C1orf141: variants seen among roughly 807,000 people sequenced by gnomAD.
The protein encoded by C1orf141 is chromosome 1 open reading frame 141.
In C1orf141, 19 loss-of-function variants were observed where a neutral mutation model predicts 23.2. That is an observed-to-expected ratio of 0.82 (90% confidence interval 0.57 to 1.20). The LOEUF (loss-of-function observed/expected upper bound fraction) is 1.20, where lower values mean the gene tolerates loss of function less well. C1orf141 is among the 50% of genes most tolerant of loss of function. The pLI, the probability that C1orf141 is intolerant of heterozygous loss-of-function variation, is 0.00. For missense variants in C1orf141, 469 were observed against 455.1 expected, an observed-to-expected ratio of 1.03 and a Z score of -0.28; for synonymous variants, 153 against 154.6, an observed-to-expected ratio of 0.99 and a Z score of 0.08.
chr1:67,124,375 T>C (rs956076125), intron 4 of C1orf141, among the ~76,000 whole-genome samples: 8 of 152,160 alleles, frequency 5.3e-5, no homozygotes, highest in Admixed American at 3.9e-4. Flanking sequence ...TGCAGTGGCA[T>C]GATCTCAGCT....
chr1:67,093,677 G>T, intron 7 of C1orf141, 73 bp from the exon 8 acceptor site: 1 of 1,202,174 alleles, frequency 8.3e-7, no homozygotes, highest in Non-Finnish European at 1.1e-6. Context: ...TTTAAAACAT[G>T]TAAATAAAAT....
chr1:67,115,231 G>A, intron 5 of C1orf141, 121 bp downstream of exon 5: 2 of 551,764 alleles, frequency 3.6e-6, no homozygotes, highest in South Asian at 4.8e-5. Context: ...ATAGTTCATG[G>A]AAATGCTTTT....
At chr1:67,117,583 T>C (rs928766218) in intron 4 of C1orf141, among the ~76,000 whole-genome samples, 3 of 152,148 alleles carry the variant, frequency 2.0e-5, no homozygotes, top group African/African-American at 7.2e-5. Flanking sequence ...AAAAAATGTA[T>C]CTTATGTTCT....
chr1:67,099,650 A>C (rs1383527937), intron 5 of C1orf141, among the ~76,000 whole-genome samples: 2 of 152,146 alleles, frequency 1.3e-5, no homozygotes, highest in African/African-American at 4.8e-5. Context: ...GTGGTGGTGC[A>C]CACCTGTAAT....
chr1:67,131,879 G>A (rs980761031), intron 1 of C1orf141, among the ~76,000 whole-genome samples: 3 of 150,530 alleles, frequency 2.0e-5, no homozygotes, highest in Non-Finnish European at 4.4e-5. Context: ...CCACCTCCCG[G>A]GTTCAAGTGA....
intron 5 of C1orf141, among the ~76,000 whole-genome samples, chr1:67,106,570 AT>A (rs1645931799): frequency 6.6e-6 from 1 of 152,162 alleles, no homozygotes; most frequent in Non-Finnish European, 1.5e-5. Context: ...AGACAGGAGA[AT>A]CGCTTGAACC....
chr1:67,103,237 C>A (rs377015714), intron 5 of C1orf141: 3 of 1,400,112 alleles, frequency 2.1e-6, no homozygotes, highest in East Asian at 5.1e-5. Flanking sequence ...AATTTGTATA[C>A]CTGTAAATAA....
chr1:67,134,421 C>T (rs1646562196), intron 1 of C1orf141, among the ~76,000 whole-genome samples: 2 of 152,244 alleles, frequency 1.3e-5, no homozygotes, highest in Non-Finnish European at 2.9e-5. Flanking sequence ...GATTAGCCAG[C>T]TCGAAATCGC....
intron 5 of C1orf141, among the ~76,000 whole-genome samples, chr1:67,112,390 G>T (rs887067571): frequency 6.6e-6 from 1 of 152,038 alleles, no homozygotes; most frequent in Non-Finnish European, 1.5e-5. Context: ...GGGTAATATG[G>T]AAAATAAACA....
chr1:67,095,500 C>A, intron 6 of C1orf141, 79 bp from the exon 7 acceptor site: 1 of 773,320 alleles, frequency 1.3e-6, no homozygotes, highest in South Asian at 2.1e-5. Context: ...CCTTTTATCC[C>A]TGGAAGTCAC....
At chr1:67,126,517 G>A (rs1646416657) in intron 3 of C1orf141, among the ~76,000 whole-genome samples, 1 of 152,164 alleles carries the variant, frequency 6.6e-6, no homozygotes, top group Admixed American at 6.6e-5. Context: ...AAAGGATATG[G>A]GGGACTTCTG....
In C1orf141 at chr1:67,093,406, G is replaced by A. The variant is rs1294242648; in HGVS notation, c.802C>T (p.Pro268Ser). The A allele has an allele frequency of 1.2e-6, 2 of 1,612,426 alleles. No homozygotes were observed. The highest frequency in any genetic ancestry group is 2.7e-5 in the African/African-American group (2 of 74,902). ...IGNQSISLFK[P>S]QKTMPTVQRK... is the part of the protein sequence containing the mutation. Reference sequence around the variant, plus strand: ...TGTACTGTAGGCATAGTTTTTTGGGGTTTGAAAAGAGAAATAGATTGATTG... The same window carrying A: ...TGTACTGTAGGCATAGTTTTTTGGGATTTGAAAAGAGAAATAGATTGATTG... Residue 268 changes from proline to serine, a missense_variant, in exon 8 of 8, where the codon CCC (proline) becomes TCC (serine). By Grantham distance (74) the Pro-to-Ser change is moderately conservative. This residue lies in a region of C1orf141 where 370 missense variants were observed against 348.1 expected (regional missense o/e 1.06). Transcript: ENST00000684719.
rs368957576 is a variant in C1orf141 at position 67,118,974 on chromosome 1, C to T, written c.234-3510G>A. ...GCTGTTGTAGCAGCCCATACTAAGA[C>T]AGAAATTAGTAATGAGCAGTGGGGT... On this transcript the variant is annotated intron_variant, in intron 4 of 7. Coordinates refer to ENST00000684719, the MANE Select transcript of C1orf141 (RefSeq NM_001276351.2). Among the ~76,000 whole-genome samples, 81 of 152,244 alleles carry T rather than the reference C, an allele frequency of 5.3e-4. 1 individual carries two copies. In the South Asian group the frequency reaches 0.017, roughly 32 times the overall value.
chr1:67,141,061 A>AGG (rs922282538), intron 1 of C1orf141, among the ~76,000 whole-genome samples: 2 of 152,184 alleles, frequency 1.3e-5, no homozygotes, highest in African/African-American at 4.8e-5. Context: ...CTGTTACAAG[A>AGG]GGTATGAAGA....
At position 67,095,401 on chromosome 1, in the gene C1orf141, T is replaced by C. The variant is rs1359491903; in HGVS notation, c.437A>G (p.Asn146Ser). The C allele has an allele frequency of 6.5e-7, 1 of 1,545,264 alleles. No homozygotes were observed. The highest frequency in any genetic ancestry group is 2.3e-5 in the East Asian group (1 of 44,442). ...TTTGTTTTCTTTTATATTAAAATCG[T>C]TCATCTGTGGAGATTTTTTTCTGAA... is the stretch of plus-strand genomic sequence containing the variant. ...RNKRKKSPQM[N>S]DFNIKENKSV... Residue 146 changes from asparagine (N) to serine (S), a missense_variant, in exon 7 of 8, where the codon AAC becomes AGC. This residue lies in a region of C1orf141 where 370 missense variants were observed against 348.1 expected (regional missense o/e 1.06). Coordinates refer to ENST00000684719, the MANE Select transcript of C1orf141 (RefSeq NM_001276351.2).
chr1:67,097,773 G>C lies in C1orf141; in HGVS notation c.347-1452C>G, dbSNP rs1237965722. 3.9e-5 allele frequency among the ~76,000 whole-genome samples: 6 copies of C among 152,122 alleles called. No homozygotes were observed. In the East Asian group the frequency reaches 1.2e-3, roughly 29 times the overall value. ...AACCAATTAGGAGGCTGTTGTTGTT[G>C]TCTAGATGAACATGTTGGTGGACTC... On this transcript the variant is annotated intron_variant, in intron 5 of 7. Coordinates refer to ENST00000684719, the MANE Select transcript of C1orf141 (RefSeq NM_001276351.2).
intron 4 of C1orf141, among the ~76,000 whole-genome samples, chr1:67,117,145 G>A (rs1190499718): frequency 6.6e-6 from 1 of 152,116 alleles, no homozygotes; most frequent in Non-Finnish European, 1.5e-5. Flanking sequence ...CTAATAGGCC[G>A]GGCGCGGTGG....
At chr1:67,100,180 C>T (rs1645765959) in intron 5 of C1orf141, among the ~76,000 whole-genome samples, 1 of 152,072 alleles carries the variant, frequency 6.6e-6, no homozygotes, top group African/African-American at 2.4e-5. Context: ...CCCTTTTAGT[C>T]AATTTATTTG....
intron 5 of C1orf141, chr1:67,102,689 C>G (rs1645831693): frequency 6.6e-6 from 1 of 151,966 alleles, no homozygotes; most frequent in South Asian, 2.1e-4. Flanking sequence ...ATCAGACAGA[C>G]AGAAAACTCG....
Sources: gnomAD v4.1 joint callset for allele counts (sites outside exome capture counted in the v4.1 genomes callset) on GRCh38, gnomAD v4.1.1 for gene constraint, gnomAD v4.1.1 regional missense constraint, MANE v1.5 for transcripts, NCBI Gene and HGNC (gene_info 2026-07-23, HGNC 2026-07-21) for gene names.